Variants in PARP11 observed in about 807,000 individuals in gnomAD.
PARP11 encodes poly(ADP-ribose) polymerase family member 11.
A neutral mutation model predicts 42.9 loss-of-function variants in PARP11; 31 were observed. That is an observed-to-expected ratio of 0.72 (90% CI 0.54 to 0.98). The LOEUF is 0.98. Among genes scored for constraint, PARP11 ranks in the 50% least tolerant of loss-of-function variants. The probability of loss-of-function intolerance (pLI) is 0.00; values close to 1 mark genes in which losing one functional copy is unlikely to be tolerated. For missense variants in PARP11, 365 were observed against 413.1 expected, an observed-to-expected ratio of 0.88 and a Z score of 1.01; for synonymous variants, 137 against 127.3, an observed-to-expected ratio of 1.08 and a Z score of -0.51.
chr12:3,815,267 G>A lies in PARP11; in HGVS notation c.549-1079C>T, dbSNP rs189056932. 1.1e-3 allele frequency among the ~76,000 whole-genome samples: 167 copies of A among 152,246 alleles called. 1 individual carries two copies. Among genetic ancestry groups the A allele is most frequent in the African/African-American group, 3.3e-3 (138 of 41,546 alleles). On this transcript the variant is annotated intron_variant, in intron 6 of 7. Transcript: ENST00000228820. The stretch of plus-strand genomic sequence containing the variant: ...CAGTGTCAAGTACTCACAGCATCAC[G>A]TGCTCACTTTGCAAAACAGCACAAT...
At chr12:3,824,463 G>T in intron 4 of PARP11, 1 of 191,824 alleles carries the variant, frequency 5.2e-6, no homozygotes, top group Non-Finnish European at 9.6e-6. Context: ...AGAACTCCTT[G>T]CCAACAGGAA....
intron 1 of PARP11, chr12:3,832,232 G>T: frequency 3.2e-6 from 1 of 309,266 alleles, no homozygotes; most frequent in Non-Finnish European, 4.7e-6. Flanking sequence ...CATTCCTAAA[G>T]CACTTCAAAT....
At chr12:3,822,308 T>C (rs1947411777) in intron 4 of PARP11, 151 bp from the exon 5 acceptor site, 15 of 684,972 alleles carry the variant, frequency 2.2e-5, no homozygotes, top group South Asian at 1.9e-4. Context: ...TTAAAAATTA[T>C]TGACTGTCGG....
At chr12:3,871,702 C>G (rs1175899662) in intron 1 of PARP11, 1 of 152,164 alleles carries the variant, frequency 6.6e-6, no homozygotes, top group East Asian at 1.9e-4. Context: ...GCCACCTTAC[C>G]AGGCAGTTTC....
chr12:3,811,702 C>A lies in PARP11; in HGVS notation c.*421G>T, dbSNP rs911734966. On this transcript the variant is annotated 3_prime_UTR_variant, in exon 8 of 8. Coordinates refer to ENST00000228820, the MANE Select transcript of PARP11 (RefSeq NM_020367.6). The stretch of plus-strand genomic sequence containing the variant: ...GATACTACTACCTGAATTCAATTTA[C>A]AAAGGATCAATTCCTCTAAAGGGAC... The A allele has an allele frequency of 1.3e-5, 2 of 155,800 alleles. No individual in the cohort carries two copies. The highest frequency in any genetic ancestry group is 4.8e-5 in the African/African-American group (2 of 41,550). The allele number at this position is 155,800 out of a possible 1,614,324, so 9.7% of individuals were successfully genotyped here.
chr12:3,840,608 C>CG lies in PARP11; in HGVS notation c.19-10591_19-10590insC. The CG allele has an allele frequency of 7.7e-7, 1 of 1,304,790 alleles. No individual in the cohort carries two copies. Among genetic ancestry groups the CG allele is most frequent in the Non-Finnish European group, 1.1e-6 (1 of 898,074 alleles). The allele number at this position is 1,304,790 out of a possible 1,614,324, so 80.8% of individuals were successfully genotyped here. The stretch of plus-strand genomic sequence containing the variant: ...GATTCTGATCACACAAGTCGAGAAT[C>CG]TAACTATTGCTACTTCTCAGAGTAG... On this transcript the variant is annotated intron_variant, in intron 1 of 7. Coordinates refer to ENST00000228820, the MANE Select transcript of PARP11 (RefSeq NM_020367.6). The surrounding 1 kb of genome is among the most constrained non-coding windows in gnomAD (Gnocchi z 4.4).
chr12:3,813,771 T>C (rs367840280), intron 7 of PARP11, among the ~76,000 whole-genome samples: 7 of 152,290 alleles, frequency 4.6e-5, no homozygotes, highest in East Asian at 3.9e-4. Context: ...ATTGAAAAAC[T>C]TGGATTTTCA....
chr12:3,862,002 T>C (rs1405968798), intron 1 of PARP11, among the ~76,000 whole-genome samples: 1 of 151,932 alleles, frequency 6.6e-6, no homozygotes, highest in African/African-American at 2.4e-5. Context: ...TCCAACCTGG[T>C]TGATGGAGCG....
chr12:3,866,762 A>G (rs571721692), intron 1 of PARP11, among the ~76,000 whole-genome samples: 1 of 152,358 alleles, frequency 6.6e-6, no homozygotes, highest in Admixed American at 6.5e-5. Flanking sequence ...AAAATTCTTG[A>G]TACTGCTGAG....
chr12:3,858,453 T>C (rs1471809890), intron 1 of PARP11, among the ~76,000 whole-genome samples: 2 of 152,178 alleles, frequency 1.3e-5, no homozygotes, highest in South Asian at 2.1e-4. Flanking sequence ...CAAAGAAAGA[T>C]TTCTAAGACA....
Position 3,809,297 on chromosome 12 carries a change from T to C in PARP11, c.*2826A>G, listed in dbSNP as rs1381771361. 1.3e-5 allele frequency: 2 copies of C among 152,144 alleles called. No homozygotes were observed. The highest frequency in any genetic ancestry group is 2.9e-5 in the Non-Finnish European group (2 of 68,034). 9.4% of individuals were successfully genotyped at this position (152,144 alleles called of 1,614,324 possible). ...AAAACAAAGAAATAAAATTTTAACA[T>C]CCATTAACTCTGTACTATCATATTT... On this transcript the variant is annotated 3_prime_UTR_variant, in exon 8 of 8. Transcript: ENST00000228820.
intron 7 of PARP11, 89 bp downstream of exon 7, chr12:3,813,948 T>C (rs1947231967): frequency 1.1e-6 from 1 of 944,452 alleles, no homozygotes; most frequent in Middle Eastern, 2.4e-4. Context: ...ATATTTGCCA[T>C]AAAGCAGTTC....
chr12:3,841,444 T>TA (rs1301386859), intron 1 of PARP11: 1 of 1,352,970 alleles, frequency 7.4e-7, no homozygotes, highest in East Asian at 2.3e-5. Context: ...CGCCCAGAAT[T>TA]AAAGTGATTG....
intron 1 of PARP11, among the ~76,000 whole-genome samples, chr12:3,864,825 AAT>A (rs1164792363): frequency 6.6e-6 from 1 of 152,124 alleles, no homozygotes; most frequent in Non-Finnish European, 1.5e-5. Flanking sequence ...GAAATTTATT[AAT>A]AGTCTTGATG....
intron 3 of PARP11, among the ~76,000 whole-genome samples, chr12:3,826,743 TA>T (rs1181748934): frequency 5.3e-5 from 8 of 152,290 alleles, no homozygotes; most frequent in African/African-American, 1.9e-4. Flanking sequence ...TAACTAAACC[TA>T]AAAAATAGAA....
intron 1 of PARP11, among the ~76,000 whole-genome samples, chr12:3,845,051 A>G (rs1947972684): frequency 6.6e-6 from 1 of 150,640 alleles, no homozygotes. Context: ...AAACTTCACC[A>G]TATTATGATC....
chr12:3,847,046 C>T (rs1015840924), intron 1 of PARP11, among the ~76,000 whole-genome samples: 1 of 151,944 alleles, frequency 6.6e-6, no homozygotes, highest in Non-Finnish European at 1.5e-5. Context: ...CACTGCACTC[C>T]AGCCTGGTCA....
chr12:3,838,191 T>C (rs982255295), intron 1 of PARP11, among the ~76,000 whole-genome samples: 1 of 151,186 alleles, frequency 6.6e-6, no homozygotes, highest in Non-Finnish European at 1.5e-5. Context: ...TTCTTCAGAA[T>C]AGGCCATATC....
At chr12:3,845,864 A>C (rs980658365) in intron 1 of PARP11, among the ~76,000 whole-genome samples, 5 of 152,186 alleles carry the variant, frequency 3.3e-5, no homozygotes, top group Admixed American at 2.6e-4. Context: ...TTAGAAGAGG[A>C]GTGGGTGCAT....
Sources: allele counts gnomAD v4.1 joint callset (sites outside exome capture counted in the v4.1 genomes callset), GRCh38; gene constraint gnomAD v4.1.1; non-coding constraint Gnocchi (gnomAD v3.1); transcripts MANE v1.5; gene names NCBI Gene and HGNC (gene_info 2026-07-23, HGNC 2026-07-21).